The following CGNL1 variants were observed in gnomAD, a reference collection of about 807,000 sequenced individuals.
CGNL1 encodes cingulin-like protein 1.
Under a neutral mutation model 141.2 loss-of-function variants are expected in CGNL1, and 132 were observed. The observed-to-expected ratio is 0.93, with a 90% confidence interval of 0.81 to 1.08. The LOEUF (loss-of-function observed/expected upper bound fraction) is 1.08, where lower values mean the gene tolerates loss of function less well. Ranked by LOEUF, CGNL1 falls within the 50% of genes least tolerant of loss-of-function variation. CGNL1 has a pLI of 0.00. For missense variants in CGNL1, 1,870 were observed against 1,588.6 expected (o/e 1.18, Z -3.01); for synonymous variants, 690 against 622.1 (o/e 1.11, Z -1.63).
rs186758860 is a variant in CGNL1, at chr15:57,445,427, G to C, written c.1803+2949G>C. Among the ~76,000 whole-genome samples, 34 of 152,240 alleles carry C rather than the reference G, an allele frequency of 2.2e-4. No individual in the cohort carries two copies. In the East Asian group the frequency reaches 6.4e-3, roughly 28 times the overall value. ...GGAATCTGATTACTTGCTGGCAAAG[G>C]TTTTAGAGTTTTATCTTTGCGGTGT... On this transcript the variant is annotated intron_variant, in intron 4 of 18. Coordinates refer to ENST00000281282, the MANE Select transcript of CGNL1 (RefSeq NM_032866.5).
Position 57,453,680 on chromosome 15 carries a change from C to T in CGNL1, c.2055-3C>T, listed in dbSNP as rs752272870. The T allele has an allele frequency of 3.7e-6, 6 of 1,613,636 alleles. No homozygotes were observed. In the South Asian group the frequency reaches 5.5e-5, roughly 15 times the overall value. Reference sequence around the variant, plus strand: ...CTGTCTAATGGGCTTCCTTCCCTGCCAGGCTATTCCAGGTGAAGATGGAAC... The same window carrying T: ...CTGTCTAATGGGCTTCCTTCCCTGCTAGGCTATTCCAGGTGAAGATGGAAC... On this transcript the variant is annotated splice_region_variant and splice_polypyrimidine_tract_variant and intron_variant, in intron 6 of 18. Coordinates refer to ENST00000281282, the MANE Select transcript of CGNL1 (RefSeq NM_032866.5).
intron 8 of CGNL1, among the ~76,000 whole-genome samples, chr15:57,472,207 A>G (rs1446353457): frequency 6.6e-6 from 1 of 152,140 alleles, no homozygotes; most frequent in East Asian, 1.9e-4. Flanking sequence ...CTAGATTTTT[A>G]AAAATCCAGA....
chr15:57,536,044 G>A (rs1661023064), intron 14 of CGNL1, among the ~76,000 whole-genome samples: 1 of 152,180 alleles, frequency 6.6e-6, no homozygotes, highest in Admixed American at 6.5e-5. Context: ...GAGGTTTAAT[G>A]GACTCACAGT....
chr15:57,384,869 T>C (rs151267230), intron 1 of CGNL1, among the ~76,000 whole-genome samples: 6 of 152,216 alleles, frequency 3.9e-5, no homozygotes, highest in African/African-American at 1.2e-4. Flanking sequence ...GCCACAGTGA[T>C]ATCTAAACAG....
chr15:57,494,064 A>G (rs1343075135), intron 8 of CGNL1, among the ~76,000 whole-genome samples: 1 of 152,226 alleles, frequency 6.6e-6, no homozygotes, highest in Non-Finnish European at 1.5e-5. Flanking sequence ...GAGATTTGAA[A>G]ACACTGATTG....
chr15:57,509,207 C>T (rs1468827897), intron 8 of CGNL1, among the ~76,000 whole-genome samples: 1 of 152,198 alleles, frequency 6.6e-6, no homozygotes, highest in African/African-American at 2.4e-5. Context: ...TCTAGTACCT[C>T]TCAGCTGGGA....
At chr15:57,387,815 A>T (rs2062500387) in intron 1 of CGNL1, among the ~76,000 whole-genome samples, 1 of 152,204 alleles carries the variant, frequency 6.6e-6, no homozygotes, top group South Asian at 2.1e-4. Flanking sequence ...TTAACCTGTG[A>T]CTTTAATAAT....
intron 1 of CGNL1, among the ~76,000 whole-genome samples, chr15:57,409,828 A>T (rs1036686791): frequency 6.6e-6 from 1 of 152,218 alleles, no homozygotes. Flanking sequence ...CTTACCAGAA[A>T]AAAATAGAGA....
chr15:57,430,519 T>C (rs190433379), intron 1 of CGNL1, among the ~76,000 whole-genome samples: 127 of 152,314 alleles, frequency 8.3e-4, no homozygotes, highest in Admixed American at 3.7e-3. Flanking sequence ...GTTAAATTGA[T>C]AACATATGGA....
At chr15:57,535,984 C>G (rs1262883634) in intron 14 of CGNL1, among the ~76,000 whole-genome samples, 1 of 152,188 alleles carries the variant, frequency 6.6e-6, no homozygotes, top group Admixed American at 6.5e-5. Flanking sequence ...TTAGTTCGTT[C>G]TCACACTGCT....
chr15:57,430,736 T>C (rs1407443083), intron 1 of CGNL1, among the ~76,000 whole-genome samples: 2 of 152,094 alleles, frequency 1.3e-5, no homozygotes, highest in Non-Finnish European at 2.9e-5. Flanking sequence ...ATTTTCTTTT[T>C]TGAGATGGAG....
chr15:57,457,799 C>A (rs571047226), intron 7 of CGNL1, among the ~76,000 whole-genome samples: 13 of 152,188 alleles, frequency 8.5e-5, no homozygotes, highest in Non-Finnish European at 1.6e-4. Context: ...CCTCCCTCAA[C>A]ATGAGGGAAT....
intron 8 of CGNL1, among the ~76,000 whole-genome samples, chr15:57,510,775 C>T (rs2030218858): frequency 6.6e-6 from 1 of 152,162 alleles, no homozygotes; most frequent in Admixed American, 6.5e-5. Context: ...TGGGGAAGCA[C>T]TCGTGTAGTT....
chr15:57,530,317 C>T (rs539358383), intron 13 of CGNL1, among the ~76,000 whole-genome samples: 35 of 152,318 alleles, frequency 2.3e-4, no homozygotes, highest in Middle Eastern at 3.4e-3. Context: ...TTCATTTGCC[C>T]CTTTGCAATA....
chr15:57,498,828 A>G (rs2063980906), intron 8 of CGNL1, among the ~76,000 whole-genome samples: 1 of 152,082 alleles, frequency 6.6e-6, no homozygotes, highest in Non-Finnish European at 1.5e-5. Context: ...AGTATGGTCC[A>G]GGAGGAACTT....
At chr15:57,383,630 T>C (rs1567085414) in intron 1 of CGNL1, among the ~76,000 whole-genome samples, 1 of 63,790 alleles carries the variant, frequency 1.6e-5, no homozygotes, top group Non-Finnish European at 2.7e-5. Context: ...TCTTTTCTTT[T>C]CTTTTTTTTT....
chr15:57,536,665 T>A (rs1456742964), intron 14 of CGNL1, among the ~76,000 whole-genome samples: 1 of 152,176 alleles, frequency 6.6e-6, no homozygotes, highest in Non-Finnish European at 1.5e-5. Flanking sequence ...TTCCTTTCCG[T>A]CCTCCAAAAA....
intron 8 of CGNL1, among the ~76,000 whole-genome samples, chr15:57,467,901 G>T (rs939605009): frequency 6.6e-6 from 1 of 152,068 alleles, no homozygotes; most frequent in Non-Finnish European, 1.5e-5. Flanking sequence ...TGTTGGCCAG[G>T]CTAGTCTAGA....
rs1374765633 is a variant in CGNL1 at position 57,518,431 on chromosome 15, C to T, written c.2649C>T (p.Ala883=). The change falls in exon 10 of 19, where the codon GCC becomes GCT. Residue 883 remains alanine, a synonymous_variant. Transcript: ENST00000281282. ...IRQLEEALVH[A]RKEEKEAVSA... is the part of the protein sequence containing the mutation. ...AGTTAGAGGAGGCCCTTGTGCACGCCAGAAAGGAAGAAAAAGAAGCTGTGT... is the reference window on the plus strand; with the variant it reads ...AGTTAGAGGAGGCCCTTGTGCACGCTAGAAAGGAAGAAAAAGAAGCTGTGT... 6.2e-7 allele frequency: 1 copy of T among 1,613,384 alleles called. No individual in the cohort carries two copies. The highest frequency in any genetic ancestry group is 8.5e-7 in the Non-Finnish European group (1 of 1,179,742).
Sources: allele counts gnomAD v4.1 joint callset (sites outside exome capture counted in the v4.1 genomes callset), GRCh38; gene constraint gnomAD v4.1.1; transcripts MANE v1.5; gene names NCBI Gene and HGNC (gene_info 2026-07-23, HGNC 2026-07-21).